DLGAP2: variants seen among roughly 807,000 people sequenced by gnomAD.
DLGAP2 encodes the protein DLG associated protein 2, also known as disks large-associated protein 2.
In DLGAP2, 26 loss-of-function variants were observed where a neutral mutation model predicts 100.3. The ratio of observed to expected loss-of-function variants is 0.26; its 90% CI spans 0.19 to 0.36. The LOEUF (loss-of-function observed/expected upper bound fraction) is 0.36. Ranked by LOEUF, DLGAP2 falls within the 10% of genes least tolerant of loss-of-function variation. The probability of loss-of-function intolerance (pLI) is 1.00; values close to 1 mark genes in which losing one functional copy is unlikely to be tolerated. For synonymous variants in DLGAP2, 886 were observed against 630.1 expected, an observed-to-expected ratio of 1.41 and a Z score of -6.08; for missense variants, 1,858 against 1,453.2, an observed-to-expected ratio of 1.28 and a Z score of -4.53.
chr8:1,110,561 G>A (rs146433666), intron 2 of DLGAP2, among the ~76,000 whole-genome samples: 4 of 152,066 alleles, frequency 2.6e-5, no homozygotes, highest in South Asian at 4.2e-4. Context: ...AGGTGTGCAC[G>A]TGCCTGTGAA....
chr8:1,008,775 C>T (rs530647263), intron 2 of DLGAP2, among the ~76,000 whole-genome samples: 7 of 152,376 alleles, frequency 4.6e-5, no homozygotes, highest in African/African-American at 1.4e-4. Flanking sequence ...GAGCAACCTC[C>T]ACCTGCTGCA....
At chr8:1,297,575 CAGGG>C (rs1263276152) in intron 3 of DLGAP2, among the ~76,000 whole-genome samples, 4 of 92,726 alleles carry the variant, frequency 4.3e-5, no homozygotes, top group South Asian at 5.5e-4. Context: ...CCACGTGAGA[CAGGG>C]AGGAGAAACG....
chr8:825,555 A>G (rs1026789614), intron 1 of DLGAP2, among the ~76,000 whole-genome samples: 1 of 152,132 alleles, frequency 6.6e-6, no homozygotes, highest in African/African-American at 2.4e-5. Flanking sequence ...TTCCCTTATT[A>G]TCTCTAACGA....
At chr8:1,226,161 A>G (rs1415551193) in intron 2 of DLGAP2, among the ~76,000 whole-genome samples, 1 of 152,174 alleles carries the variant, frequency 6.6e-6, no homozygotes, top group Non-Finnish European at 1.5e-5. Flanking sequence ...ATTCTGTTAT[A>G]AAGATGCATG....
chr8:997,557 C>T (rs906488202), intron 2 of DLGAP2, among the ~76,000 whole-genome samples: 1 of 152,050 alleles, frequency 6.6e-6, no homozygotes, highest in Non-Finnish European at 1.5e-5. Flanking sequence ...GGATGATACT[C>T]TGTGGTATTT....
chr8:1,192,655 T>A (rs1797664606), intron 2 of DLGAP2, among the ~76,000 whole-genome samples: 2 of 140,796 alleles, frequency 1.4e-5, no homozygotes. Flanking sequence ...GCTTTATGTA[T>A]CTGGTTTCTT....
intron 2 of DLGAP2, among the ~76,000 whole-genome samples, chr8:1,006,140 G>C (rs1801102534): frequency 6.6e-6 from 1 of 152,106 alleles, no homozygotes; most frequent in South Asian, 2.1e-4. Context: ...AGTGAGCCGA[G>C]ATCGCACCAC....
At chr8:1,372,583 A>G (rs1033067939) in intron 3 of DLGAP2, among the ~76,000 whole-genome samples, 2 of 152,172 alleles carry the variant, frequency 1.3e-5, no homozygotes, top group African/African-American at 4.8e-5. Flanking sequence ...GCTAGATGCC[A>G]GGAGCTCTTT....
intron 3 of DLGAP2, among the ~76,000 whole-genome samples, chr8:1,420,639 G>T (rs1245512993): frequency 6.6e-6 from 1 of 152,084 alleles, no homozygotes; most frequent in Non-Finnish European, 1.5e-5. Flanking sequence ...ACACTGTCAG[G>T]ACCCAATTTG....
chr8:773,436 C>T (rs1474830468), intron 1 of DLGAP2, among the ~76,000 whole-genome samples: 6 of 151,298 alleles, frequency 4.0e-5, no homozygotes, highest in South Asian at 4.2e-4. Flanking sequence ...CATGCTGGTG[C>T]GCTGCACTCA....
chr8:771,882 T>A (rs999980962), intron 1 of DLGAP2, among the ~76,000 whole-genome samples: 1 of 152,158 alleles, frequency 6.6e-6, no homozygotes, highest in African/African-American at 2.4e-5. Context: ...GGGACAGAAT[T>A]CTAGGCTCAT....
chr8:803,617 G>C (rs1386222666), intron 1 of DLGAP2, among the ~76,000 whole-genome samples: 2 of 151,902 alleles, frequency 1.3e-5, no homozygotes, highest in East Asian at 3.9e-4. Context: ...GTTAGTTGTG[G>C]GTTCATTCTT....
At chr8:1,066,757 G>A (rs1428161761) in intron 2 of DLGAP2, among the ~76,000 whole-genome samples, 4 of 152,220 alleles carry the variant, frequency 2.6e-5, no homozygotes, top group Admixed American at 1.3e-4. Flanking sequence ...CTCCACACGC[G>A]GCACCTCCGT....
At chr8:964,264 A>T (rs1189465649) in intron 2 of DLGAP2, among the ~76,000 whole-genome samples, 1 of 152,212 alleles carries the variant, frequency 6.6e-6, no homozygotes, top group Non-Finnish European at 1.5e-5. Context: ...CTCTCTGTTT[A>T]TAAACCAGTA....
chr8:1,388,270 G>T (rs577278102), intron 3 of DLGAP2, among the ~76,000 whole-genome samples: 14 of 117,702 alleles, frequency 1.2e-4, no homozygotes, highest in African/African-American at 4.1e-4. Context: ...ATGAGGAGGC[G>T]CTGGTTCAGG....
chr8:1,236,240 A>G (rs141056396), intron 2 of DLGAP2, among the ~76,000 whole-genome samples: 32,654 of 39,270 alleles, frequency 0.83, 13,620 homozygotes, highest in Middle Eastern at 0.97. Context: ...CTCACATGGC[A>G]CCATGTCTAG....
At chr8:1,283,267 A>T (rs958861206) in intron 3 of DLGAP2, among the ~76,000 whole-genome samples, 5 of 150,602 alleles carry the variant, frequency 3.3e-5, no homozygotes, top group Non-Finnish European at 7.4e-5. Context: ...CAGCGCCCTG[A>T]ACCATCCGGA....
chr8:1,422,561 T>TA (rs372845289), intron 3 of DLGAP2, among the ~76,000 whole-genome samples: 51,330 of 135,984 alleles, frequency 0.38, 9,951 homozygotes, highest in South Asian at 0.51. Context: ...TCTTTGACAT[T>TA]AAAAAAAAAA....
chr8:1,413,101 C>G (rs1486837404), intron 3 of DLGAP2, among the ~76,000 whole-genome samples: 3 of 152,180 alleles, frequency 2.0e-5, no homozygotes, highest in African/African-American at 2.4e-5. Flanking sequence ...CCTAGTGTCC[C>G]TCTGGAACTC....
Sources: gnomAD v4.1 joint callset for allele counts (sites outside exome capture counted in the v4.1 genomes callset) on GRCh38, gnomAD v4.1.1 for gene constraint, MANE v1.5 for transcripts, NCBI Gene and HGNC (gene_info 2026-07-23, HGNC 2026-07-21) for gene names.